The following FBXL20 variants were observed in gnomAD, a reference collection of about 807,000 sequenced individuals.
FBXL20 encodes F-box/LRR-repeat protein 20.
In FBXL20, 11 loss-of-function variants were observed where a neutral mutation model predicts 64.0. That is an observed-to-expected ratio of 0.17 (90% CI 0.11 to 0.28). The LOEUF (loss-of-function observed/expected upper bound fraction) is 0.28. Among genes scored for constraint, FBXL20 ranks in the 10% least tolerant of loss-of-function variants. The pLI, the probability that FBXL20 is intolerant of heterozygous loss-of-function variation, is 1.00. For synonymous variants in FBXL20, 184 were observed against 189.0 expected, an observed-to-expected ratio of 0.97 and a Z score of 0.22; for missense variants, 303 against 526.2, an observed-to-expected ratio of 0.58 and a Z score of 4.15.
At chr17:39,305,621 A>G (rs1241740008) in intron 2 of FBXL20, among the ~76,000 whole-genome samples, 2 of 152,190 alleles carry the variant, frequency 1.3e-5, no homozygotes, top group African/African-American at 4.8e-5. Flanking sequence ...ATGTGAGGGC[A>G]GGAGGATAAC....
At chr17:39,333,917 C>T (rs4021143) in intron 2 of FBXL20, among the ~76,000 whole-genome samples, 1 of 152,000 alleles carries the variant, frequency 6.6e-6, no homozygotes, top group African/African-American at 2.4e-5. Flanking sequence ...GGCAGCCACC[C>T]CGTCTGGGAA....
At chr17:39,331,438 C>CT (rs2047460598) in intron 2 of FBXL20, among the ~76,000 whole-genome samples, 1 of 152,108 alleles carries the variant, frequency 6.6e-6, no homozygotes, top group Non-Finnish European at 1.5e-5. Context: ...GGCTACTACT[C>CT]TTTAAGTCAC....
intron 6 of FBXL20, among the ~76,000 whole-genome samples, chr17:39,294,401 T>A (rs2047066498): frequency 6.6e-6 from 1 of 151,972 alleles, no homozygotes; most frequent in Non-Finnish European, 1.5e-5. Context: ...CACCTCAGCC[T>A]CCCAAGTAGC....
At chr17:39,369,541 C>T (rs1275386123) in intron 1 of FBXL20, among the ~76,000 whole-genome samples, 1 of 152,056 alleles carries the variant, frequency 6.6e-6, no homozygotes, top group African/African-American at 2.4e-5. Context: ...TTAGAAGAGA[C>T]GGGGTTTCAC....
intron 10 of FBXL20, among the ~76,000 whole-genome samples, chr17:39,272,715 A>AG (rs56873437): frequency 0.029 from 4,193 of 146,920 alleles, 80 homozygotes; most frequent in African/African-American, 0.066. Flanking sequence ...AAAAAAAAAA[A>AG]AAAAAAGAAA....
intron 1 of FBXL20, among the ~76,000 whole-genome samples, chr17:39,398,818 G>T (rs1201319449): frequency 1.3e-5 from 2 of 152,036 alleles, no homozygotes; most frequent in Non-Finnish European, 2.9e-5. Context: ...GGAATTACAG[G>T]TGCCCACTAC....
Position 39,274,957 on chromosome 17 carries a change from A to G in FBXL20, c.827+13T>C. On this transcript the variant is annotated intron_variant, in intron 10 of 14. Transcript: ENST00000264658. ...GTTCTATGATTTTTTTGAGCTAAACAAGAAATGTTTACCTAAGCCGTGGGC... is the reference window on the plus strand; with the variant it reads ...GTTCTATGATTTTTTTGAGCTAAACGAGAAATGTTTACCTAAGCCGTGGGC... 6.2e-7 allele frequency: 1 copy of G among 1,610,680 alleles called. No homozygotes were observed. Among genetic ancestry groups the G allele is most frequent in the Non-Finnish European group, 8.5e-7 (1 of 1,179,224 alleles).
intron 1 of FBXL20, among the ~76,000 whole-genome samples, chr17:39,399,374 A>G (rs2338796): frequency 0.27 from 41,488 of 152,186 alleles, 6,515 homozygotes; most frequent in South Asian, 0.38. Flanking sequence ...TTCAACAAAT[A>G]AGCAATAAAT....
intron 2 of FBXL20, among the ~76,000 whole-genome samples, chr17:39,339,868 G>C (rs2047565216): frequency 6.6e-6 from 1 of 151,324 alleles, no homozygotes; most frequent in African/African-American, 2.4e-5. Flanking sequence ...GGATGGTCTT[G>C]ATCTCCTGAC....
At chr17:39,339,386 C>A (rs2047560391) in intron 2 of FBXL20, among the ~76,000 whole-genome samples, 1 of 152,044 alleles carries the variant, frequency 6.6e-6, no homozygotes, top group Non-Finnish European at 1.5e-5. Flanking sequence ...AGGATCACTT[C>A]AGGCTGAGAG....
chr17:39,349,729 G>A (rs1048517223), intron 1 of FBXL20, among the ~76,000 whole-genome samples: 3 of 152,140 alleles, frequency 2.0e-5, no homozygotes, highest in Non-Finnish European at 4.4e-5. Flanking sequence ...GAGGTCAGGA[G>A]ATCGAGACCA....
At chr17:39,363,896 T>C (rs2047830307) in intron 1 of FBXL20, among the ~76,000 whole-genome samples, 1 of 141,994 alleles carries the variant, frequency 7.0e-6, no homozygotes, top group South Asian at 2.3e-4. Flanking sequence ...TTTTTTTTTT[T>C]TTTTTTTTTT....
At chr17:39,288,926 A>G (rs1402006858) in intron 6 of FBXL20, among the ~76,000 whole-genome samples, 1 of 151,974 alleles carries the variant, frequency 6.6e-6, no homozygotes, top group Admixed American at 6.6e-5. Context: ...GATGTTTTCA[A>G]ACTCTTGACC....
intron 2 of FBXL20, among the ~76,000 whole-genome samples, chr17:39,341,431 AAC>A (rs2047582053): frequency 6.6e-6 from 1 of 152,204 alleles, no homozygotes; most frequent in Non-Finnish European, 1.5e-5. Context: ...AACTTGAGAA[AAC>A]AGTCACATAT....
chr17:39,402,320 G>A, upstream of FBXL20: 2 of 804,084 alleles, frequency 2.5e-6, no homozygotes, highest in South Asian at 1.3e-4. Context: ...CCCCGCCCCA[G>A]TGCATTACAT....
intron 6 of FBXL20, among the ~76,000 whole-genome samples, chr17:39,296,357 G>A (rs539082660): frequency 1.3e-5 from 2 of 151,940 alleles, no homozygotes; most frequent in Admixed American, 6.6e-5. Flanking sequence ...TCAGGAGATC[G>A]AGACCATCCT....
chr17:39,352,682 GAAAAAAA>G lies in FBXL20; in HGVS notation c.43-9448_43-9442del, dbSNP rs11373643. 4.9e-5 allele frequency among the ~76,000 whole-genome samples: 6 copies of G among 122,758 alleles called. No individual in the cohort carries two copies. In the South Asian group the frequency reaches 1.3e-3, roughly 27 times the overall value. The allele number at this position is 122,758 out of a possible 152,430, so 80.5% of individuals were successfully genotyped here. On this transcript the variant is annotated intron_variant, in intron 1 of 14. Coordinates refer to ENST00000264658, the MANE Select transcript of FBXL20 (RefSeq NM_032875.3). ...GGCAACAGAGTGAAGCTCTGTCTGG[GAAAAAAA>G]AAAAAAAAGAAAAGAAGAAAAAAAA...
At chr17:39,349,280 G>A (rs1253378880) in intron 1 of FBXL20, among the ~76,000 whole-genome samples, 1 of 116,844 alleles carries the variant, frequency 8.6e-6, no homozygotes, top group Non-Finnish European at 1.7e-5. Flanking sequence ...AATAAAAATC[G>A]AGCCACCATA....
At chr17:39,349,789 A>T (rs1002657473) in intron 1 of FBXL20, among the ~76,000 whole-genome samples, 5 of 152,084 alleles carry the variant, frequency 3.3e-5, no homozygotes, top group African/African-American at 1.2e-4. Context: ...ACAAAAAATT[A>T]GCCGGGCATG....
Sources: gnomAD v4.1 joint callset for allele counts (sites outside exome capture counted in the v4.1 genomes callset) on GRCh38, gnomAD v4.1.1 for gene constraint, MANE v1.5 for transcripts, NCBI Gene and HGNC (gene_info 2026-07-23, HGNC 2026-07-21) for gene names.